The following TANC1 variants were observed in gnomAD, a reference collection of about 807,000 sequenced individuals.
TANC1 encodes tetratricopeptide repeat, ankyrin repeat and coiled-coil containing 1, also known as protein TANC1.
In TANC1, 77 loss-of-function variants were observed where a neutral mutation model predicts 149.7. That is an observed-to-expected ratio of 0.51 (90% CI 0.43 to 0.62). The LOEUF (loss-of-function observed/expected upper bound fraction) is 0.62. Ranked by LOEUF, TANC1 falls within the 20% of genes least tolerant of loss-of-function variation. The pLI is 0.00. For synonymous variants in TANC1, 854 were observed against 925.0 expected, an observed-to-expected ratio of 0.92 and a Z score of 1.39; for missense variants, 1,985 against 2,321.8, an observed-to-expected ratio of 0.85 and a Z score of 2.98.
Position 159,004,029 on chromosome 2 carries a change from G to C in TANC1, c.-16+2840G>C, listed in dbSNP as rs2036891918. ...TATTGAAGAGGTGAACATGATTAAA[G>C]ATGATGGGACAGTTATTCATTTCAA... On this transcript the variant is annotated intron_variant, in intron 2 of 26. Coordinates refer to ENST00000263635, the MANE Select transcript of TANC1 (RefSeq NM_033394.3). 14 of 1,612,344 alleles carry C rather than the reference G, an allele frequency of 8.7e-6. No individual in the cohort carries two copies. The East Asian group carries it at 2.5e-4, about 28-fold the overall frequency.
chr2:159,202,217 C>T (rs2058298304), intron 19 of TANC1, among the ~76,000 whole-genome samples: 1 of 152,200 alleles, frequency 6.6e-6, no homozygotes, highest in Non-Finnish European at 1.5e-5. Flanking sequence ...GCCCTCCACC[C>T]TTAGAGCCCT....
intron 2 of TANC1, among the ~76,000 whole-genome samples, chr2:159,040,110 C>T (rs1298949017): frequency 6.6e-6 from 1 of 152,142 alleles, no homozygotes; most frequent in African/African-American, 2.4e-5. Context: ...ATGTAATGGC[C>T]TTCGTTGTCT....
intron 3 of TANC1, among the ~76,000 whole-genome samples, chr2:159,080,464 A>G (rs764146930): frequency 2.0e-5 from 3 of 152,168 alleles, no homozygotes; most frequent in Admixed American, 6.5e-5. Flanking sequence ...CAGAAGGTGG[A>G]TAGATCTTCC....
Position 159,217,414 on chromosome 2 carries a change from G to T in TANC1, c.3245-83G>T, listed in dbSNP as rs1372034256. On this transcript the variant is annotated intron_variant, in intron 19 of 26. Transcript: ENST00000263635. ...GACATATAGACCCCATCTCCCACTG[G>T]GGGAGAGAACTGTTAAAGAATTTCT... 5 of 1,548,198 alleles carry T rather than the reference G, an allele frequency of 3.2e-6. No individual in the cohort carries two copies. The East Asian group carries it at 9.0e-5, about 28-fold the overall frequency.
chr2:159,039,258 C>T (rs1046394761), intron 2 of TANC1, among the ~76,000 whole-genome samples: 9 of 151,986 alleles, frequency 5.9e-5, no homozygotes, highest in East Asian at 1.9e-4. Flanking sequence ...GTCTTGCTAG[C>T]GGTCTATCAA....
Position 159,219,805 on chromosome 2 carries a change from C to T in TANC1, c.3616C>T (p.Gln1206Ter). The part of the protein sequence containing the change: ...YLVEEGAAID[Q>*]TDKNGRTPLD... Reference sequence around the variant, plus strand: ...GGTTGAAGAAGGAGCTGCAATAGACCAGACAGACAAGAATGGCCGCACACC... The same window carrying T: ...GGTTGAAGAAGGAGCTGCAATAGACTAGACAGACAAGAATGGCCGCACACC... The change falls in exon 22 of 27, where the codon CAG becomes TAG. Residue 1206 changes from glutamine to a stop codon, truncating the protein, a stop_gained. Transcript: ENST00000263635. LOFTEE classifies it high-confidence loss of function. The T allele has an allele frequency of 6.2e-7, 1 of 1,614,020 alleles. No individual in the cohort carries two copies. The highest frequency in any genetic ancestry group is 1.1e-5 in the South Asian group (1 of 91,072).
At chr2:159,176,619 A>G (rs1022629647) in intron 13 of TANC1, 101 bp downstream of exon 13, 13 of 924,482 alleles carry the variant, frequency 1.4e-5, no homozygotes, top group East Asian at 1.2e-4. Flanking sequence ...AGCTGCTTGA[A>G]TTGGAAACTA....
chr2:159,073,615 A>T (rs1180647784), intron 3 of TANC1, among the ~76,000 whole-genome samples: 1 of 152,206 alleles, frequency 6.6e-6, no homozygotes, highest in Admixed American at 6.5e-5. Flanking sequence ...TTAAATTATC[A>T]AATCTAATTT....
At chr2:159,185,669 A>C in intron 14 of TANC1, 122 bp from the exon 15 acceptor site, 1 of 658,354 alleles carries the variant, frequency 1.5e-6, no homozygotes, top group Non-Finnish European at 2.7e-6. Flanking sequence ...AGCCTCCCGG[A>C]GTTTACATCT....
At chr2:159,009,925 G>A (rs183105579) in intron 2 of TANC1, among the ~76,000 whole-genome samples, 8 of 152,110 alleles carry the variant, frequency 5.3e-5, no homozygotes, top group Non-Finnish European at 7.4e-5. Flanking sequence ...GTACTGGAAA[G>A]AAGGTAGAAA....
chr2:159,143,313 A>C (rs186609501), intron 5 of TANC1, among the ~76,000 whole-genome samples: 1 of 152,228 alleles, frequency 6.6e-6, no homozygotes, highest in Non-Finnish European at 1.5e-5. Context: ...TATTTTCCAA[A>C]TGACCCAATG....
At chr2:159,203,628 C>T (rs2058404411) in intron 19 of TANC1, among the ~76,000 whole-genome samples, 1 of 152,124 alleles carries the variant, frequency 6.6e-6, no homozygotes, top group African/African-American at 2.4e-5. Context: ...TGCAGTGGCA[C>T]AATCACAGTT....
intron 4 of TANC1, among the ~76,000 whole-genome samples, chr2:159,103,458 G>C (rs2046920829): frequency 1.0e-5 from 1 of 96,418 alleles, no homozygotes; most frequent in African/African-American, 2.9e-5. Context: ...GTGGACTACT[G>C]ACAATTTTAA....
intron 2 of TANC1, among the ~76,000 whole-genome samples, chr2:159,046,982 C>G (rs2041111010): frequency 6.6e-6 from 1 of 152,028 alleles, no homozygotes; most frequent in Non-Finnish European, 1.5e-5. Context: ...CCCTTATGTT[C>G]CTGGTTCATC....
At chr2:159,062,827 C>T (rs943761337) in intron 2 of TANC1, among the ~76,000 whole-genome samples, 9 of 150,942 alleles carry the variant, frequency 6.0e-5, no homozygotes, top group South Asian at 2.1e-4. Flanking sequence ...ATTAGCCGGG[C>T]GCGGTGGTGG....
intron 2 of TANC1, among the ~76,000 whole-genome samples, chr2:159,060,955 G>GT (rs1359199457): frequency 6.6e-6 from 1 of 152,200 alleles, no homozygotes; most frequent in Admixed American, 6.5e-5. Flanking sequence ...AATACATAAT[G>GT]TAGAGAGGTT....
chr2:159,153,989 G>A (rs1020433259), intron 7 of TANC1, among the ~76,000 whole-genome samples: 4 of 152,178 alleles, frequency 2.6e-5, no homozygotes, highest in South Asian at 2.1e-4. Context: ...AGGCTGGTGA[G>A]GACCCATGCT....
At chr2:159,078,118 A>G (rs1362046125) in intron 3 of TANC1, among the ~76,000 whole-genome samples, 2 of 152,220 alleles carry the variant, frequency 1.3e-5, no homozygotes, top group South Asian at 2.1e-4. Context: ...TTTATCAGCT[A>G]TGTGAACTTG....
At chr2:159,027,901 T>C (rs759027478) in intron 2 of TANC1, among the ~76,000 whole-genome samples, 31 of 152,090 alleles carry the variant, frequency 2.0e-4, no homozygotes, top group Non-Finnish European at 4.0e-4. Context: ...CATAACGTGG[T>C]AGAAGGTATC....
Sources: gnomAD v4.1 joint callset for allele counts (sites outside exome capture counted in the v4.1 genomes callset) on GRCh38, gnomAD v4.1.1 for gene constraint, MANE v1.5 for transcripts, NCBI Gene and HGNC (gene_info 2026-07-23, HGNC 2026-07-21) for gene names.